ARHGAP27: variants seen among roughly 807,000 people sequenced by gnomAD.
ARHGAP27 encodes the protein Rho GTPase activating protein 27.
ARHGAP27 carries 53 observed loss-of-function variants against 102.0 expected under a neutral mutation model. That is an observed-to-expected ratio of 0.52 (90% CI 0.42 to 0.65). The LOEUF (loss-of-function observed/expected upper bound fraction) is 0.65. ARHGAP27 is among the 30% of genes least tolerant of loss of function. The pLI is 0.00. For synonymous variants in ARHGAP27, 525 were observed against 542.8 expected, an observed-to-expected ratio of 0.97 and a Z score of 0.46; for missense variants, 1,117 against 1,256.2, an observed-to-expected ratio of 0.89 and a Z score of 1.68.
chr17:45,403,764 A>G, intron 10 of ARHGAP27, 55 bp from the exon 11 acceptor site: 1 of 1,463,660 alleles, frequency 6.8e-7, no homozygotes, highest in Non-Finnish European at 9.5e-7. Flanking sequence ...TCCTGGGCTG[A>G]GGGCCCCTCC....
At position 45,406,036 on chromosome 17, in the gene ARHGAP27, G is replaced by T; in HGVS notation, c.705C>A (p.Pro235=). Residue 235 remains proline (P), a synonymous_variant, in exon 5 of 20, where the codon CCC becomes CCA. Transcript: ENST00000685559. ...CAGCGGCGCCCGGTGAAGTGGCCCG[G>T]GGCTGCCTCTCTATGTTCGCGTACA... The part of the protein sequence containing the change: ...EPVYANIERQ[P]RATSPGAAAA... 6.5e-7 allele frequency: 1 copy of T among 1,534,008 alleles called. No individual in the cohort carries two copies. Among genetic ancestry groups the T allele is most frequent in the Non-Finnish European group, 8.7e-7 (1 of 1,145,552 alleles).
At chr17:45,400,131 C>T (rs1378500059) in intron 12 of ARHGAP27, among the ~76,000 whole-genome samples, 1 of 152,140 alleles carries the variant, frequency 6.6e-6, no homozygotes, top group Non-Finnish European at 1.5e-5. Flanking sequence ...CCACTGCACT[C>T]CAGCCTGGGC....
intron 4 of ARHGAP27, among the ~76,000 whole-genome samples, chr17:45,416,444 T>C (rs923428722): frequency 3.6e-4 from 54 of 151,950 alleles, no homozygotes; most frequent in Admixed American, 2.6e-4. Context: ...GCAAATATTG[T>C]TTTTTCTCTT....
chr17:45,395,436 C>T lies in ARHGAP27; in HGVS notation c.*20G>A, dbSNP rs900760066. 5 of 1,545,372 alleles carry T rather than the reference C, an allele frequency of 3.2e-6. No homozygotes were observed. The highest frequency in any genetic ancestry group is 2.0e-5 in the Admixed American group (1 of 50,926). On this transcript the variant is annotated 3_prime_UTR_variant, in exon 20 of 20. Transcript: ENST00000685559. ...TTGTGTGGCAGGACCGCGGCCGCCGCCCCAGTCACAGGCCAGCAGTCAGTG... is the reference window on the plus strand; with the variant it reads ...TTGTGTGGCAGGACCGCGGCCGCCGTCCCAGTCACAGGCCAGCAGTCAGTG...
intron 4 of ARHGAP27, chr17:45,410,041 TG>T: frequency 1.5e-6 from 1 of 664,068 alleles, no homozygotes; most frequent in Non-Finnish European, 2.5e-6. Context: ...CACAAGCAGG[TG>T]GCAGCCCTGC....
At chr17:45,404,780 G>GAGGGGC in intron 6 of ARHGAP27, 99 bp from the exon 7 acceptor site, 1 of 1,504,188 alleles carries the variant, frequency 6.6e-7, no homozygotes, top group South Asian at 1.2e-5. Flanking sequence ...AGGGAGTCTG[G>GAGGGGC]AGGGGCAGGT....
chr17:45,399,328 C>T (rs1346263964), intron 12 of ARHGAP27, among the ~76,000 whole-genome samples: 2 of 152,204 alleles, frequency 1.3e-5, no homozygotes, highest in African/African-American at 2.4e-5. Context: ...CGCAGTGGCT[C>T]ATGCCTGTAA....
rs887145634 is a variant in ARHGAP27 at position 45,397,184 on chromosome 17, A to G, written c.1843-160T>C. The G allele has an allele frequency of 2.1e-6, 3 of 1,436,646 alleles. No individual in the cohort carries two copies. The African/African-American group carries it at 4.3e-5, about 21-fold the overall frequency. The allele number at this position is 1,436,646 out of a possible 1,614,324, so 89.0% of individuals were successfully genotyped here. A position where few individuals can be genotyped will look rare whatever the true frequency, so the allele number is the denominator to read the frequency against. On this transcript the variant is annotated intron_variant, in intron 13 of 19. Coordinates refer to ENST00000685559, the MANE Select transcript of ARHGAP27 (RefSeq NM_001282290.2). Reference sequence around the variant, plus strand: ...AACCAGGTTAACTCTCCTTACCTCCACCAGTGAGCCTGAGAACATTCACCT... The same window carrying G: ...AACCAGGTTAACTCTCCTTACCTCCGCCAGTGAGCCTGAGAACATTCACCT...
In ARHGAP27 at chr17:45,403,631, A is replaced by G; in HGVS notation, c.1626T>C (p.Ala542=). The change falls in exon 11 of 20, where the codon GCT becomes GCC. Residue 542 remains alanine, a synonymous_variant. Transcript: ENST00000685559. ...LTFFKDSKTS[A]AGGLRQPSKF... is the part of the protein sequence containing the mutation. ...GGCCTGGCCTTACCAGGCCGCCTGC[A>G]GCCGAGGTCTTTGAGTCCTTGAAGA... 6.2e-7 allele frequency: 1 copy of G among 1,613,920 alleles called. No homozygotes were observed. Among genetic ancestry groups the G allele is most frequent in the Non-Finnish European group, 8.5e-7 (1 of 1,179,988 alleles).
At chr17:45,422,250 C>CA (rs35947196) in intron 4 of ARHGAP27, among the ~76,000 whole-genome samples, 20,671 of 141,824 alleles carry the variant, frequency 0.15, 1,695 homozygotes, top group Middle Eastern at 0.24. Context: ...CAAAAAATAC[C>CA]AAAAAAAAAA....
intron 4 of ARHGAP27, among the ~76,000 whole-genome samples, chr17:45,425,928 A>C (rs7209501): frequency 0.13 from 20,298 of 152,112 alleles, 1,668 homozygotes; most frequent in Middle Eastern, 0.22. Flanking sequence ...GTCTCCCTCT[A>C]TCCCCTCTCA....
chr17:45,424,854 T>C (rs1446193443), intron 4 of ARHGAP27, among the ~76,000 whole-genome samples: 1 of 152,212 alleles, frequency 6.6e-6, no homozygotes, highest in African/African-American at 2.4e-5. Flanking sequence ...TGAGGTCAAC[T>C]GCTGAGGCCT....
Position 45,395,445 on chromosome 17 carries a change from C to A in ARHGAP27, c.*11G>T, listed in dbSNP as rs749548443. 1 of 1,551,896 alleles carries A rather than the reference C, an allele frequency of 6.4e-7. No individual in the cohort carries two copies. The highest frequency in any genetic ancestry group is 8.7e-7 in the Non-Finnish European group (1 of 1,146,616). On this transcript the variant is annotated 3_prime_UTR_variant, in exon 20 of 20. Coordinates refer to ENST00000685559, the MANE Select transcript of ARHGAP27 (RefSeq NM_001282290.2). ...AGGACCGCGGCCGCCGCCCCAGTCA[C>A]AGGCCAGCAGTCAGTGCGGCGGGAA...
intron 3 of ARHGAP27, among the ~76,000 whole-genome samples, chr17:45,431,190 C>G (rs1567745947): frequency 2.0e-5 from 3 of 152,198 alleles, no homozygotes; most frequent in Admixed American, 1.3e-4. Context: ...CAGGGCCACC[C>G]AAAGCTCTCC....
In ARHGAP27 at chr17:45,406,078, G is replaced by C; in HGVS notation, c.663C>G (p.Asp221Glu). The change falls in exon 5 of 20, where the codon GAC becomes GAG. Residue 221 changes from aspartate (D) to glutamate (E), a missense_variant. Physicochemically the swap from Asp to Glu is conservative, Grantham distance 45 (BLOSUM62 2). This residue lies in a region of ARHGAP27 where 610 missense variants were observed against 716.4 expected (regional missense o/e 0.85). Transcript: ENST00000685559. ...TCGCGTACACGGGCTCCGGTGGGTC[G>C]TCCACCTGCGGGAGGAGAAAGGAGG... Reference protein sequence around the residue: ...PPPEESAEQVDDPPEPVYANI... With the variant: ...PPPEESAEQVEDPPEPVYANI... 1 of 1,514,288 alleles carries C rather than the reference G, an allele frequency of 6.6e-7. No homozygotes were observed. Among genetic ancestry groups the C allele is most frequent in the Non-Finnish European group, 8.8e-7 (1 of 1,134,118 alleles). 93.8% of individuals were successfully genotyped at this position (1,514,288 alleles called of 1,614,324 possible).
At chr17:45,408,077 G>T (rs1337733062) in intron 4 of ARHGAP27, 4 of 151,382 alleles carry the variant, frequency 2.6e-5, no homozygotes, top group African/African-American at 9.7e-5. Flanking sequence ...GAAAGAGGAA[G>T]CACCTGTTCA....
At position 45,414,225 on chromosome 17, in the gene ARHGAP27, C is replaced by A. The variant is rs535616424; in HGVS notation, c.658-8142G>T. On this transcript the variant is annotated intron_variant, in intron 4 of 19. Coordinates refer to ENST00000685559, the MANE Select transcript of ARHGAP27 (RefSeq NM_001282290.2). ...GGAATGATCACCTTCTGCCCTCCCC[C>A]TCAAACGTATCTGTGTTTGCACCCA... 1.5e-4 allele frequency among the ~76,000 whole-genome samples: 23 copies of A among 152,278 alleles called. No individual in the cohort carries two copies. The South Asian group carries it at 1.7e-3, about 11-fold the overall frequency.
chr17:45,402,549 T>C (rs2046566383), intron 12 of ARHGAP27, among the ~76,000 whole-genome samples, 165 bp downstream of exon 12: 1 of 152,172 alleles, frequency 6.6e-6, no homozygotes, highest in African/African-American at 2.4e-5. Flanking sequence ...CCTCTCTGGC[T>C]CTGGGTTCCT....
At chr17:45,418,870 C>T (rs1488329876) in intron 4 of ARHGAP27, among the ~76,000 whole-genome samples, 4 of 152,282 alleles carry the variant, frequency 2.6e-5, no homozygotes, top group South Asian at 2.1e-4. Context: ...AGTCTCTACC[C>T]GTAAGGCCAG....
Sources: gnomAD v4.1 joint callset for allele counts (sites outside exome capture counted in the v4.1 genomes callset) on GRCh38, gnomAD v4.1.1 for gene constraint, gnomAD v4.1.1 regional missense constraint, MANE v1.5 for transcripts, NCBI Gene and HGNC (gene_info 2026-07-23, HGNC 2026-07-21) for gene names.